MYBPC3: variants seen among roughly 807,000 people sequenced by gnomAD.
MYBPC3 encodes myosin-binding protein C, cardiac-type.
MYBPC3 carries 108 observed loss-of-function variants against 159.3 expected under a neutral mutation model. The observed-to-expected ratio is 0.68, with a 90% CI of 0.58 to 0.80. The LOEUF (loss-of-function observed/expected upper bound fraction) is 0.80. Among genes scored for constraint, MYBPC3 ranks in the 30% least tolerant of loss-of-function variants. MYBPC3 has a pLI of 0.00. For missense variants in MYBPC3, 1,631 were observed against 1,762.1 expected (o/e 0.93, Z 1.33); for synonymous variants, 730 against 702.0 (o/e 1.04, Z -0.63).
intron 12 of MYBPC3, 75 bp from the exon 13 acceptor site, chr11:47,343,699 G>A (rs1429810163): frequency 3.3e-5 from 49 of 1,463,576 alleles, no homozygotes; most frequent in Non-Finnish European, 3.6e-5. Flanking sequence ...CTGTGGCTGT[G>A]GCTGGGGCCC....
Position 47,335,191 on chromosome 11 carries a change from G to A in MYBPC3, c.2756C>T (p.Ala919Val). The change falls in exon 27 of 35, where the codon GCC becomes GTC. Residue 919 changes from alanine to valine, a missense_variant. Coordinates refer to ENST00000545968, the MANE Select transcript of MYBPC3 (RefSeq NM_000256.3). ...CPEGCSEWVA[A>V]LQGLTEHTSI... ...TGTGTGCTCTGTCAGCCCCTGCAGGGCAGCCACCCACTCTGAGCCTGGGGG... is the reference window on the plus strand; with the variant it reads ...TGTGTGCTCTGTCAGCCCCTGCAGGACAGCCACCCACTCTGAGCCTGGGGG... The A allele has an allele frequency of 6.2e-7, 1 of 1,602,266 alleles. No homozygotes were observed. The highest frequency in any genetic ancestry group is 8.5e-7 in the Non-Finnish European group (1 of 1,173,638).
rs1250336519 is a variant in MYBPC3, at chr11:47,333,587, C to T, written c.3160G>A (p.Asp1054Asn). The change falls in exon 29 of 35, where the codon GAC (aspartate) becomes AAC (asparagine). Residue 1054 changes from aspartate (D) to asparagine (N), a missense_variant. By Grantham distance (23) the Asp-to-Asn change is conservative (BLOSUM62 1). Coordinates refer to ENST00000545968, the MANE Select transcript of MYBPC3 (RefSeq NM_000256.3). ...ACCTGCAGCACCAGCGTGGCCTTGTCCTCCATGTTCTCAATGCGCACCGTC... is the reference window on the plus strand; with the variant it reads ...ACCTGCAGCACCAGCGTGGCCTTGTTCTCCATGTTCTCAATGCGCACCGTC... ...QVTVRIENMEDKATLVLQVVD... is the reference protein window; with the variant it reads ...QVTVRIENMENKATLVLQVVD... The T allele has an allele frequency of 1.2e-5, 20 of 1,601,446 alleles. No individual in the cohort carries two copies. The highest frequency in any genetic ancestry group is 1.6e-5 in the Non-Finnish European group (19 of 1,179,812).
rs750618688 is a variant in MYBPC3, at chr11:47,333,690, C to G, written c.3057G>C (p.Val1019=). 9 of 1,610,868 alleles carry G rather than the reference C, an allele frequency of 5.6e-6. No homozygotes were observed. The highest frequency in any genetic ancestry group is 7.6e-6 in the Non-Finnish European group (9 of 1,179,424). ...TGTCTGTGGGGCTGTTGCGGATGCTCACCTCCTCGCCTGCCAGGGGCTGCC... is the reference window on the plus strand; with the variant it reads ...TGTCTGTGGGGCTGTTGCGGATGCTGACCTCCTCGCCTGCCAGGGGCTGCC... ...KEGQPLAGEE[V]SIRNSPTDTI... Residue 1019 remains valine (V), a synonymous_variant, in exon 29 of 35, where the codon GTG becomes GTC. Coordinates refer to ENST00000545968, the MANE Select transcript of MYBPC3 (RefSeq NM_000256.3).
rs730880614 is a variant in MYBPC3 at position 47,350,101 on chromosome 11, C to G, written c.418G>C (p.Ala140Pro). 7 of 1,555,314 alleles carry G rather than the reference C, an allele frequency of 4.5e-6. No individual in the cohort carries two copies. Among genetic ancestry groups the G allele is most frequent in the Non-Finnish European group, 6.1e-6 (7 of 1,149,216 alleles). The change falls in exon 4 of 35, where the codon GCA (alanine) becomes CCA (proline). Residue 140 changes from alanine to proline, a missense_variant. By Grantham distance (27) the Ala-to-Pro change is conservative. Coordinates refer to ENST00000545968, the MANE Select transcript of MYBPC3 (RefSeq NM_000256.3). ...SAPSPKGSSS[A>P]ALNGPTPGAP... is the part of the protein sequence containing the mutation. Reference sequence around the variant, plus strand: ...CCAGGGGTAGGACCATTGAGAGCTGCTGAGCTTGACCCTGTGAGCAAAGGC... The same window carrying G: ...CCAGGGGTAGGACCATTGAGAGCTGGTGAGCTTGACCCTGTGAGCAAAGGC...
In MYBPC3 at chr11:47,332,203, C is replaced by A; in HGVS notation, c.3683G>T (p.Arg1228Leu). Residue 1228 changes from arginine (R) to leucine (L), a missense_variant, in exon 33 of 35, where the codon CGC becomes CTC. Transcript: ENST00000545968. This position sits in a 1 kb window ranked among gnomAD's most constrained non-coding sequence, Gnocchi z 4.2. ...GLDLGEDARF[R>L]MFSKQGVLTL... Reference sequence around the variant, plus strand: ...CAACACTCCCTGCTTGCTGAACATGCGGAAGCGGGCGTCTTCTCCCAGGTC... The same window carrying A: ...CAACACTCCCTGCTTGCTGAACATGAGGAAGCGGGCGTCTTCTCCCAGGTC... The A allele has an allele frequency of 6.2e-7, 1 of 1,613,850 alleles. No homozygotes were observed. The highest frequency in any genetic ancestry group is 8.5e-7 in the Non-Finnish European group (1 of 1,179,890).
At chr11:47,348,940 G>A (rs909107724) in intron 5 of MYBPC3, among the ~76,000 whole-genome samples, 52 of 19,162 alleles carry the variant, frequency 2.7e-3, no homozygotes, top group African/African-American at 8.0e-3. Context: ...AAAGGAGGCT[G>A]GGAGTGACAA....
intron 21 of MYBPC3, 114 bp downstream of exon 21, chr11:47,339,537 G>T (rs2095886126): frequency 3.4e-6 from 5 of 1,479,716 alleles, no homozygotes; most frequent in Non-Finnish European, 3.7e-6. Flanking sequence ...CTCCCATGGG[G>T]TAGCCAACAG....
rs2142865199 is a variant in MYBPC3, at chr11:47,347,441, G to C, written c.890C>G (p.Ser297Ter). Residue 297 changes from serine (S) to a stop codon, truncating the protein, a stop_gained, in exon 9 of 35, where the codon TCA becomes TGA. Transcript: ENST00000545968. LOFTEE classifies it high-confidence loss of function. ...HEDTGILDFSSLLKKRDSFRT... is the reference protein window; with the variant it reads ...HEDTGILDFS ...CAGGACTCACCTCTTTTTCAGCAGTGAGCTGAAGTCCAGAATCCCAGTGTC... is the reference window on the plus strand; with the variant it reads ...CAGGACTCACCTCTTTTTCAGCAGTCAGCTGAAGTCCAGAATCCCAGTGTC... 1 of 1,591,722 alleles carries C rather than the reference G, an allele frequency of 6.3e-7. No individual in the cohort carries two copies. Among genetic ancestry groups the C allele is most frequent in the East Asian group, 2.3e-5 (1 of 43,928 alleles).
At position 47,351,891 on chromosome 11, in the gene MYBPC3, A is replaced by C. The variant is rs1480327504; in HGVS notation, c.26-386T>G. 6.6e-6 allele frequency among the ~76,000 whole-genome samples: 1 copy of C among 152,198 alleles called. No homozygotes were observed. Among genetic ancestry groups the C allele is most frequent in the East Asian group, 1.9e-4 (1 of 5,180 alleles). ...AGTCTGCCTACTTGGAATGTGGCCA[A>C]ATTTGTCCTCCAAGGACCTCAGGCT... On this transcript the variant is annotated intron_variant, in intron 1 of 34. Transcript: ENST00000545968. This position sits in a 1 kb window ranked among gnomAD's most constrained non-coding sequence, Gnocchi z 4.2.
chr11:47,339,541 C>T, intron 21 of MYBPC3, 110 bp downstream of exon 21: 2 of 1,483,366 alleles, frequency 1.3e-6, no homozygotes, highest in Non-Finnish European at 1.8e-6. Context: ...CATGGGGTAG[C>T]CAACAGCAGG....
At position 47,349,859 on chromosome 11, in the gene MYBPC3, T is replaced by C; in HGVS notation, c.569A>G (p.Lys190Arg). ...GTCCACCCATTTGCCCTTGAACCAC[T>C]TGACCACAGGCGGCTTCAGGAGGCT... ...GASLLKPPVV[K>R]WFKGKWVDLS... is the part of the protein sequence containing the mutation. The change falls in exon 5 of 35, where the codon AAG becomes AGG. Residue 190 changes from lysine (K) to arginine (R), a missense_variant. By Grantham distance (26) the Lys-to-Arg change is conservative (BLOSUM62 2). Coordinates refer to ENST00000545968, the MANE Select transcript of MYBPC3 (RefSeq NM_000256.3). 1 of 1,612,734 alleles carries C rather than the reference T, an allele frequency of 6.2e-7. No individual in the cohort carries two copies. The highest frequency in any genetic ancestry group is 2.2e-5 in the East Asian group (1 of 44,866).
intron 25 of MYBPC3, 127 bp from the exon 26 acceptor site, chr11:47,336,138 T>A: frequency 8.4e-6 from 8 of 949,592 alleles, no homozygotes; most frequent in Non-Finnish European, 8.5e-6. Context: ...TTTTGGCCAC[T>A]TTAAGGAATA....
chr11:47,341,291 CT>C (rs1360392558), intron 18 of MYBPC3, 47 bp from the exon 19 acceptor site: 1 of 1,452,916 alleles, frequency 6.9e-7, no homozygotes, highest in Non-Finnish European at 9.4e-7. Flanking sequence ...CCACACACCC[CT>C]GGCCTTGCCA....
chr11:47,334,200 G>A (rs946207549), intron 27 of MYBPC3, among the ~76,000 whole-genome samples, 190 bp from the exon 28 acceptor site: 2 of 152,214 alleles, frequency 1.3e-5, no homozygotes, highest in South Asian at 4.1e-4. Context: ...TGGCTTCCCC[G>A]AGCCTCACCA....
rs774029651 is a variant in MYBPC3, at chr11:47,332,262, T to C, written c.3628-4A>G. 2 of 1,613,480 alleles carry C rather than the reference T, an allele frequency of 1.2e-6. No homozygotes were observed. Among genetic ancestry groups the C allele is most frequent in the South Asian group, 1.1e-5 (1 of 91,082 alleles). ...TCTTGAACCAGGAAATCTTGGGCTA[T>C]AAATAAGGTAAAGAGAGGGAGGGAA... On this transcript the variant is annotated splice_polypyrimidine_tract_variant and splice_region_variant and intron_variant, in intron 32 of 34. Transcript: ENST00000545968. This position sits in a 1 kb window ranked among gnomAD's most constrained non-coding sequence, Gnocchi z 4.2.
chr11:47,346,116 T>C lies in MYBPC3; in HGVS notation c.1090+91A>G. On this transcript the variant is annotated intron_variant, in intron 12 of 34. Coordinates refer to ENST00000545968, the MANE Select transcript of MYBPC3 (RefSeq NM_000256.3). This position sits in a 1 kb window ranked among gnomAD's most constrained non-coding sequence, Gnocchi z 5.3. ...CTAACCTGTGCCCTCTCCTCTCCCC[T>C]GTGGGGAAGGGCTAACCTATGCCCT... The C allele has an allele frequency of 6.5e-7, 1 of 1,534,120 alleles. No individual in the cohort carries two copies. The highest frequency in any genetic ancestry group is 8.9e-7 in the Non-Finnish European group (1 of 1,127,412).
Position 47,338,906 on chromosome 11 carries a change from A to T in MYBPC3, c.2149-227T>A, listed in dbSNP as rs2095885443. On this transcript the variant is annotated intron_variant, in intron 22 of 34. Coordinates refer to ENST00000545968, the MANE Select transcript of MYBPC3 (RefSeq NM_000256.3). This position sits in a 1 kb window ranked among gnomAD's most constrained non-coding sequence, Gnocchi z 4.7. ...CTGGGGCAACCACCTGTCCTCTCAG[A>T]TGAGCTATCATGAGGACCCCTCAAG... 6.6e-6 allele frequency among the ~76,000 whole-genome samples: 1 copy of T among 152,182 alleles called. No individual in the cohort carries two copies. The highest frequency in any genetic ancestry group is 2.4e-5 in the African/African-American group (1 of 41,440).
intron 9 of MYBPC3, 34 bp from the exon 10 acceptor site, chr11:47,347,063 G>A (rs749286844): frequency 5.8e-6 from 5 of 861,274 alleles, no homozygotes; most frequent in Non-Finnish European, 9.9e-6. Context: ...TAATGGAGGG[G>A]CCGGGGGAGA....
In MYBPC3 at chr11:47,332,826, T is replaced by A; in HGVS notation, c.3478A>T (p.Ile1160Phe). 6.2e-7 allele frequency: 1 copy of A among 1,606,674 alleles called. No individual in the cohort carries two copies. The highest frequency in any genetic ancestry group is 8.5e-7 in the Non-Finnish European group (1 of 1,176,612). Residue 1160 changes from isoleucine (I) to phenylalanine (F), a missense_variant, in exon 31 of 35, where the codon ATC (isoleucine) becomes TTC (phenylalanine). Transcript: ENST00000545968. This position sits in a 1 kb window ranked among gnomAD's most constrained non-coding sequence, Gnocchi z 4.2. Reference protein sequence around the residue: ...RAATTKEPVFIPRPGITYEPP... With the variant: ...RAATTKEPVFFPRPGITYEPP... ...GAGGGTACAGCACCTGGTCTGGGGA[T>A]AAAGACGGGCTCCTTGGTGGTGGCC...
Sources: gnomAD v4.1 joint callset for allele counts (sites outside exome capture counted in the v4.1 genomes callset) on GRCh38, gnomAD v4.1.1 for gene constraint, Gnocchi (gnomAD v3.1) non-coding constraint, MANE v1.5 for transcripts, NCBI Gene and HGNC (gene_info 2026-07-23, HGNC 2026-07-21) for gene names.